Variants in EBF1 observed in about 807,000 individuals in gnomAD.
EBF1 encodes EBF transcription factor 1.
EBF1 carries 10 observed loss-of-function variants against 68.4 expected under a neutral mutation model. The observed-to-expected ratio is 0.15, with a 90% confidence interval of 0.09 to 0.25. The LOEUF is 0.25. Among genes scored for constraint, EBF1 ranks in the 10% least tolerant of loss-of-function variants. The pLI is 1.00. For synonymous variants in EBF1, 298 were observed against 299.8 expected, an observed-to-expected ratio of 0.99 and a Z score of 0.06; for missense variants, 509 against 794.4, an observed-to-expected ratio of 0.64 and a Z score of 4.32.
chr5:158,709,029 C>A (rs543152582), intron 14 of EBF1, among the ~76,000 whole-genome samples: 1 of 152,114 alleles, frequency 6.6e-6, no homozygotes, highest in African/African-American at 2.4e-5. Flanking sequence ...CATTCTCTAC[C>A]GACCATGATC....
intron 6 of EBF1, among the ~76,000 whole-genome samples, chr5:158,840,645 G>GTCTTTT (rs1790044208): frequency 1.5e-5 from 1 of 64,778 alleles, no homozygotes; most frequent in Non-Finnish European, 2.8e-5. Context: ...AATACCTCCT[G>GTCTTTT]TTTTTTTTTT....
chr5:159,029,855 G>A (rs1768405532), intron 6 of EBF1, among the ~76,000 whole-genome samples: 1 of 152,040 alleles, frequency 6.6e-6, no homozygotes, highest in Admixed American at 6.5e-5. Flanking sequence ...TCAGGAGGCT[G>A]AGGCGAGAGT....
rs757853472 is a variant in EBF1, at chr5:158,823,289, T to A, written c.665A>T (p.Asp222Val). ...QVVVSTTVNVDGHVLAVSDNM... is the reference protein window; with the variant it reads ...QVVVSTTVNVVGHVLAVSDNM... ...ATCAGAGACTGCCAGGACATGGCCA[T>A]CCACATTGACTGTCGTAGACACCAC... Residue 222 changes from aspartate to valine, a missense_variant, in exon 8 of 16, where the codon GAT becomes GTT. By Grantham distance (152) the Asp-to-Val change is radical. This residue lies in a region of EBF1 where 230 missense variants were observed against 467.7 expected (regional missense o/e 0.49). Coordinates refer to ENST00000313708, the MANE Select transcript of EBF1 (RefSeq NM_024007.5). 3 of 1,613,854 alleles carry A rather than the reference T, an allele frequency of 1.9e-6. No homozygotes were observed. Among genetic ancestry groups the A allele is most frequent in the Admixed American group, 1.7e-5 (1 of 59,970 alleles).
intron 6 of EBF1, among the ~76,000 whole-genome samples, chr5:158,906,346 A>G (rs1205772546): frequency 6.6e-6 from 1 of 151,794 alleles, no homozygotes; most frequent in Non-Finnish European, 1.5e-5. Context: ...AGGTAAAATG[A>G]ATGAGACATT....
At chr5:159,077,648 T>C (rs1361410078) in intron 5 of EBF1, among the ~76,000 whole-genome samples, 1 of 151,934 alleles carries the variant, frequency 6.6e-6, no homozygotes, top group Non-Finnish European at 1.5e-5. Flanking sequence ...ATTTTTTAAA[T>C]GTAGGAACTT....
At chr5:158,762,245 C>T (rs966982633) in intron 10 of EBF1, among the ~76,000 whole-genome samples, 10 of 152,184 alleles carry the variant, frequency 6.6e-5, no homozygotes, top group South Asian at 4.2e-4. Flanking sequence ...AAGAAAGCAG[C>T]GGGAACAACT....
chr5:158,708,880 A>G (rs550836622), intron 14 of EBF1, among the ~76,000 whole-genome samples: 1 of 152,358 alleles, frequency 6.6e-6, no homozygotes, highest in East Asian at 1.9e-4. Flanking sequence ...TTGGGAATTA[A>G]TAAGCAGTAG....
intron 9 of EBF1, among the ~76,000 whole-genome samples, chr5:158,779,233 CT>C (rs142606218): frequency 3.5e-4 from 52 of 148,292 alleles, no homozygotes; most frequent in African/African-American, 1.0e-3. Flanking sequence ...TATTTTTATC[CT>C]TTTTTTTTTC....
Position 158,705,019 on chromosome 5 carries a change from A to G in EBF1, c.1744+2960T>C, listed in dbSNP as rs1757560349. Among the ~76,000 whole-genome samples, 3 of 152,224 alleles carry G rather than the reference A, an allele frequency of 2.0e-5. No homozygotes were observed. In the South Asian group the frequency reaches 6.2e-4, roughly 32 times the overall value. On this transcript the variant is annotated intron_variant, in intron 15 of 15. Transcript: ENST00000313708. ...CTTTCTTTCTGTCTTTCTTTTTGAAATAGTCTTGCTCTGGAGTGCAGTGGC... is the reference window on the plus strand; with the variant it reads ...CTTTCTTTCTGTCTTTCTTTTTGAAGTAGTCTTGCTCTGGAGTGCAGTGGC...
rs184003928 is a variant in EBF1, at chr5:158,853,390, G to A, written c.555-13280C>T. Among the ~76,000 whole-genome samples the A allele has an allele frequency of 1.8e-4, 27 of 152,266 alleles. No homozygotes were observed. In the East Asian group the frequency reaches 3.3e-3, roughly 18 times the overall value. On this transcript the variant is annotated intron_variant, in intron 6 of 15. Transcript: ENST00000313708. ...AGCTAGTCTCAGGATTTTTGTTTGGGCGGCTTTAAAAAAAGAGATGGAATT... is the reference window on the plus strand; with the variant it reads ...AGCTAGTCTCAGGATTTTTGTTTGGACGGCTTTAAAAAAAGAGATGGAATT...
intron 14 of EBF1, among the ~76,000 whole-genome samples, chr5:158,709,789 A>G (rs1758759717): frequency 6.6e-6 from 1 of 152,248 alleles, no homozygotes; most frequent in African/African-American, 2.4e-5. Flanking sequence ...AATACGCTCA[A>G]TAATAACACC....
At chr5:159,025,729 A>G (rs559250771) in intron 6 of EBF1, among the ~76,000 whole-genome samples, 1 of 152,280 alleles carries the variant, frequency 6.6e-6, no homozygotes, top group African/African-American at 2.4e-5. Context: ...CTCTCTTTCA[A>G]TGGGTCATCT....
intron 6 of EBF1, among the ~76,000 whole-genome samples, chr5:158,887,394 T>C (rs1305101711): frequency 6.6e-6 from 1 of 152,210 alleles, no homozygotes; most frequent in Non-Finnish European, 1.5e-5. Flanking sequence ...AAAATTGGCT[T>C]CAATGTATAC....
At chr5:158,852,064 GGAGGA>G (rs1372626677) in intron 6 of EBF1, among the ~76,000 whole-genome samples, 7 of 86,880 alleles carry the variant, frequency 8.1e-5, no homozygotes, top group Non-Finnish European at 9.3e-5. Context: ...GGAGGAGAGG[GGAGGA>G]GAGGGGAGGG....
At chr5:158,745,094 G>T (rs1324054229) in intron 10 of EBF1, among the ~76,000 whole-genome samples, 3 of 152,188 alleles carry the variant, frequency 2.0e-5, no homozygotes, top group South Asian at 2.1e-4. Context: ...CCCTTTGGAT[G>T]TTGGTGGTCT....
intron 8 of EBF1, among the ~76,000 whole-genome samples, chr5:158,812,221 A>T (rs1224466041): frequency 6.6e-6 from 1 of 152,226 alleles, no homozygotes; most frequent in Non-Finnish European, 1.5e-5. Flanking sequence ...ATGAATAAGC[A>T]AATGAACTAA....
At chr5:158,878,730 G>A (rs190844607) in intron 6 of EBF1, among the ~76,000 whole-genome samples, 4 of 147,914 alleles carry the variant, frequency 2.7e-5, no homozygotes, top group East Asian at 4.1e-4. Flanking sequence ...TGCAACCTCC[G>A]CCTCCCGGGT....
rs1314430330 is a variant in EBF1, at chr5:158,706,578, C to A, written c.1744+1401G>T. Among the ~76,000 whole-genome samples the A allele has an allele frequency of 5.9e-5, 9 of 152,282 alleles. No homozygotes were observed. The East Asian group carries it at 1.7e-3, about 29-fold the overall frequency. ...GTATGTGTAGACAAGTAGAAATATG[C>A]ATGTACTTGTACATAAGAAACAGGG... On this transcript the variant is annotated intron_variant, in intron 15 of 15. Transcript: ENST00000313708.
At chr5:158,753,893 T>C (rs1206574159) in intron 10 of EBF1, among the ~76,000 whole-genome samples, 1 of 152,076 alleles carries the variant, frequency 6.6e-6, no homozygotes. Flanking sequence ...ATAAACAAAG[T>C]TGTTGTAGAC....
Sources: gnomAD v4.1 joint callset for allele counts (sites outside exome capture counted in the v4.1 genomes callset) on GRCh38, gnomAD v4.1.1 for gene constraint, gnomAD v4.1.1 regional missense constraint, MANE v1.5 for transcripts, NCBI Gene and HGNC (gene_info 2026-07-23, HGNC 2026-07-21) for gene names.